The following KLF13 variants were observed in gnomAD, a reference collection of about 807,000 sequenced individuals.
KLF13 encodes the protein KLF transcription factor 13, also known as Krueppel-like factor 13.
In KLF13, 8 loss-of-function variants were observed where a neutral mutation model predicts 16.7. The ratio of observed to expected loss-of-function variants is 0.48; its 90% confidence interval spans 0.28 to 0.87. The LOEUF is 0.87. KLF13 is among the 40% of genes least tolerant of loss of function. KLF13 has a pLI of 0.10. For synonymous variants in KLF13, 245 were observed against 208.4 expected (o/e 1.18, Z -1.51); for missense variants, 447 against 452.2 (o/e 0.99, Z 0.10).
At chr15:31,401,929 A>G (rs1484012263) in intron 2 of KLF13, among the ~76,000 whole-genome samples, 8 of 152,248 alleles carry the variant, frequency 5.3e-5, no homozygotes, top group Admixed American at 5.2e-4. Context: ...GCCTGCCTAG[A>G]GTCAAGAGGA....
At chr15:31,421,599 T>C (rs937415446) in intron 1 of KLF13, among the ~76,000 whole-genome samples, 4 of 152,126 alleles carry the variant, frequency 2.6e-5, no homozygotes, top group African/African-American at 4.8e-5. Flanking sequence ...GGTATTATAC[T>C]TAATCCCCAT....
At chr15:31,335,658 C>T (rs1233962393) in intron 1 of KLF13, among the ~76,000 whole-genome samples, 1 of 152,170 alleles carries the variant, frequency 6.6e-6, no homozygotes, top group Non-Finnish European at 1.5e-5. Flanking sequence ...AAAACACTTG[C>T]TAACCAGAAA....
At chr15:31,365,063 G>T (rs1291303118) in intron 1 of KLF13, among the ~76,000 whole-genome samples, 1 of 152,212 alleles carries the variant, frequency 6.6e-6, no homozygotes, top group Non-Finnish European at 1.5e-5. Flanking sequence ...GAAAAACATT[G>T]CAGTCTTGAG....
chr15:31,383,795 G>A (rs147193174), intron 1 of KLF13, among the ~76,000 whole-genome samples: 18,839 of 151,994 alleles, frequency 0.12, 1,358 homozygotes, highest in East Asian at 0.28. Flanking sequence ...CCAGCTACTC[G>A]GGAGGCTGAG....
Position 31,327,524 on chromosome 15 carries a change from G to T in KLF13, c.312G>T (p.Glu104Asp). 8.9e-7 allele frequency: 1 copy of T among 1,119,162 alleles called. No homozygotes were observed. Among genetic ancestry groups the T allele is most frequent in the Non-Finnish European group, 1.1e-6 (1 of 916,326 alleles). 69.3% of individuals were successfully genotyped at this position (1,119,162 alleles called of 1,614,324 possible). ...GCCGCCTGCCGCCGCCCGCCCCCGA[G>T]CCCACCTCCCCCGGCGCCGAAGGCG... ...TPCRLPPPAP[E>D]PTSPGAEGAA... The change falls in exon 1 of 2, where the codon GAG (glutamate) becomes GAT (aspartate). Residue 104 changes from glutamate (E) to aspartate (D), a missense_variant. By Grantham distance (45) the Glu-to-Asp change is conservative. Coordinates refer to ENST00000307145, the MANE Select transcript of KLF13 (RefSeq NM_015995.4).
chr15:31,392,908 G>C (rs2039894614), exon 1 of KLF13: 1 of 148,386 alleles, frequency 6.7e-6, no homozygotes, highest in African/African-American at 2.5e-5. Flanking sequence ...TGCACTGTCC[G>C]GCTCCAGCCA....
At chr15:31,400,863 T>C (rs1387928547) in intron 2 of KLF13, among the ~76,000 whole-genome samples, 1 of 152,020 alleles carries the variant, frequency 6.6e-6, no homozygotes, top group Non-Finnish European at 1.5e-5. Context: ...GGCTGTGACA[T>C]GTGGGAGAGA....
intron 1 of KLF13, among the ~76,000 whole-genome samples, chr15:31,411,458 C>T (rs943688412): frequency 6.0e-5 from 9 of 150,472 alleles, no homozygotes; most frequent in African/African-American, 9.8e-5. Context: ...TGCAGTGGCG[C>T]GATCTTGGCT....
intron 2 of KLF13, among the ~76,000 whole-genome samples, chr15:31,395,675 C>T (rs2039943754): frequency 6.6e-6 from 1 of 152,162 alleles, no homozygotes; most frequent in African/African-American, 2.4e-5. Flanking sequence ...TTGTTCATAG[C>T]CATCGTCACG....
At position 31,372,194 on chromosome 15, in the gene KLF13, G is replaced by A. The variant is rs148453619; in HGVS notation, c.762G>A (p.Pro254=). 4,631 of 1,610,452 alleles carry A rather than the reference G, an allele frequency of 2.9e-3. 19 individuals carry two copies. Among genetic ancestry groups the A allele is most frequent in the East Asian group, 6.9e-3 (308 of 44,804 alleles). Residue 254 remains proline, a synonymous_variant, in exon 2 of 2, where the codon CCG becomes CCA. Coordinates refer to ENST00000307145, the MANE Select transcript of KLF13 (RefSeq NM_015995.4). ...CGCGCCGCCACGCCAACTTCCACCC[G>A]GGAATGCTGCAGCGGCGCGGCGGGG... ...KHARRHANFH[P]GMLQRRGGGS...
chr15:31,432,940 C>A (rs937033039), intron 1 of KLF13, among the ~76,000 whole-genome samples: 11 of 152,140 alleles, frequency 7.2e-5, no homozygotes, highest in African/African-American at 2.7e-4. Flanking sequence ...CATGGTGAAA[C>A]CCCATCTCTA....
chr15:31,363,069 G>T (rs1026591470), intron 1 of KLF13, among the ~76,000 whole-genome samples: 3 of 152,190 alleles, frequency 2.0e-5, no homozygotes, highest in African/African-American at 7.2e-5. Context: ...GGGTAAAAGG[G>T]TGTGCACATT....
At chr15:31,434,795 C>G (rs74010631) in intron 1 of KLF13, among the ~76,000 whole-genome samples, 13,423 of 152,244 alleles carry the variant, frequency 0.088, 2,053 homozygotes, top group African/African-American at 0.31. Context: ...CACAGCCCCC[C>G]GTCAATGCCG....
intron 1 of KLF13, among the ~76,000 whole-genome samples, chr15:31,421,999 C>A (rs1336880933): frequency 2.0e-5 from 3 of 151,950 alleles, no homozygotes; most frequent in Non-Finnish European, 4.4e-5. Context: ...CCTGTAATCC[C>A]AGCTACTCAG....
chr15:31,404,765 C>T (rs762939000), downstream of KLF13: 1 of 152,310 alleles, frequency 6.6e-6, no homozygotes, highest in Non-Finnish European at 1.5e-5. Context: ...AGAGCTGTAA[C>T]ACTCACTGTG....
At chr15:31,419,534 C>T (rs573534889) in intron 1 of KLF13, among the ~76,000 whole-genome samples, 19 of 152,058 alleles carry the variant, frequency 1.2e-4, no homozygotes, top group Admixed American at 5.9e-4. Flanking sequence ...TTATAAAATT[C>T]GCTAGAAGGG....
chr15:31,416,787 A>G (rs1422485957), intron 1 of KLF13, among the ~76,000 whole-genome samples: 1 of 152,222 alleles, frequency 6.6e-6, no homozygotes, highest in Non-Finnish European at 1.5e-5. Context: ...TGGTAGCTTT[A>G]AATTGAGATA....
At chr15:31,340,537 C>G (rs867811639) in intron 1 of KLF13, among the ~76,000 whole-genome samples, 58 of 152,208 alleles carry the variant, frequency 3.8e-4, no homozygotes, top group African/African-American at 1.3e-3. Flanking sequence ...TAACATCACC[C>G]CCTTCAAAGA....
At chr15:31,347,773 T>TC (rs1566810363) in intron 1 of KLF13, among the ~76,000 whole-genome samples, 1 of 152,246 alleles carries the variant, frequency 6.6e-6, no homozygotes, top group Non-Finnish European at 1.5e-5. Context: ...TGTCTGCCCT[T>TC]CCACCCCCTC....
Sources: gnomAD v4.1 joint callset for allele counts (sites outside exome capture counted in the v4.1 genomes callset) on GRCh38, gnomAD v4.1.1 for gene constraint, MANE v1.5 for transcripts, NCBI Gene and HGNC (gene_info 2026-07-23, HGNC 2026-07-21) for gene names.